Variants in MAP7D2 observed in about 807,000 individuals in gnomAD.
MAP7D2 encodes MAP7 domain containing 2.
In MAP7D2, 33 loss-of-function variants were observed where a neutral mutation model predicts 63.5. The observed-to-expected ratio is 0.52, with a 90% confidence interval of 0.39 to 0.70. The LOEUF is 0.70. Ranked by LOEUF, MAP7D2 falls within the 30% of genes least tolerant of loss-of-function variation. The probability of loss-of-function intolerance (pLI) is 0.00; values close to 1 mark genes in which losing one functional copy is unlikely to be tolerated. For synonymous variants in MAP7D2, 224 were observed against 223.7 expected, an observed-to-expected ratio of 1.00 and a Z score of -0.01; for missense variants, 626 against 604.0, an observed-to-expected ratio of 1.04 and a Z score of -0.38.
chrX:20,053,110 T>A, intron 4 of MAP7D2, 122 bp from the exon 5 acceptor site: 1 of 486,645 alleles, frequency 2.1e-6, no homozygotes. Context: ...TGGCACAGCA[T>A]GCTCTGCTTT....
chrX:20,012,391 C>T lies in MAP7D2; in HGVS notation c.2030G>A (p.Ser677Asn), dbSNP rs750049102. 3 of 1,208,197 alleles carry T rather than the reference C, an allele frequency of 2.5e-6. No individual in the cohort carries two copies. The East Asian group carries it at 8.9e-5, about 36-fold the overall frequency. The change falls in exon 15 of 17, where the codon AGC becomes AAC. Residue 677 changes from serine to asparagine, a missense_variant. By Grantham distance (46) the Ser-to-Asn change is conservative. Coordinates refer to ENST00000379643, the MANE Select transcript of MAP7D2 (RefSeq NM_001168465.2). ...AACTTCTTCAGTTGAATCATCCAGG[C>T]TATTTGATTTCCCATCAAGGGCATC... ...HLDALDGKSN[S>N]LDDSTEEVQS... is the part of the protein sequence containing the mutation.
chrX:20,091,775 T>G (rs182752041), intron 1 of MAP7D2, among the ~76,000 whole-genome samples: 1 of 111,744 alleles, frequency 8.9e-6, no homozygotes, highest in African/African-American at 3.2e-5. Context: ...GAGATACATA[T>G]ATGGCATGGA....
At chrX:20,015,387 T>C (rs978466330) in intron 11 of MAP7D2, 60 bp from the exon 12 acceptor site, 5 of 952,168 alleles carry the variant, frequency 5.3e-6, no homozygotes, top group Non-Finnish European at 6.0e-6. Context: ...AGTGTGGTAA[T>C]TCCCTGGCTT....
intron 4 of MAP7D2, 33 bp downstream of exon 4, chrX:20,056,647 G>T: frequency 1.8e-6 from 2 of 1,137,834 alleles, no homozygotes; most frequent in Non-Finnish European, 2.4e-6. Context: ...TTCCCACCCA[G>T]GACCTGAAAT....
intron 8 of MAP7D2, among the ~76,000 whole-genome samples, chrX:20,036,758 G>C (rs1183594040): frequency 9.6e-6 from 1 of 103,905 alleles, no homozygotes; most frequent in Non-Finnish European, 2.0e-5. Flanking sequence ...ACAAAAATTA[G>C]CCGGGCGTGG....
intron 1 of MAP7D2, among the ~76,000 whole-genome samples, chrX:20,102,348 G>A (rs1177899757): frequency 9.0e-6 from 1 of 111,237 alleles, no homozygotes; most frequent in African/African-American, 3.3e-5. Context: ...AGATGAACAG[G>A]GTAGACAGGA....
intron 1 of MAP7D2, among the ~76,000 whole-genome samples, chrX:20,105,824 T>C (rs925802772): frequency 5.3e-5 from 6 of 112,261 alleles, no homozygotes; most frequent in Admixed American, 2.8e-4. Flanking sequence ...TATGGTTCCA[T>C]GTTTTTTCAA....
chrX:20,013,438 C>G, intron 13 of MAP7D2, 131 bp downstream of exon 13: 1 of 598,570 alleles, frequency 1.7e-6, no homozygotes, highest in South Asian at 3.2e-5. Flanking sequence ...TTAACCTAGC[C>G]AGGAACAAAG....
chrX:20,084,329 T>C (rs1425985259), intron 1 of MAP7D2, among the ~76,000 whole-genome samples: 1 of 111,680 alleles, frequency 9.0e-6, no homozygotes, highest in Non-Finnish European at 1.9e-5. Flanking sequence ...CCTTGGTTCA[T>C]GCCACATCAA....
chrX:20,027,500 G>A (rs1043412354), intron 8 of MAP7D2, among the ~76,000 whole-genome samples: 2 of 111,553 alleles, frequency 1.8e-5, no homozygotes, highest in Non-Finnish European at 3.8e-5. Flanking sequence ...TTGTTGTGGG[G>A]TTGTCCTGGG....
chrX:20,064,889 C>T, intron 1 of MAP7D2, 84 bp from the exon 2 acceptor site: 1 of 778,168 alleles, frequency 1.3e-6, no homozygotes, highest in Non-Finnish European at 2.0e-6. Context: ...GGCATGGCAC[C>T]CGAGTCTGAC....
chrX:20,072,078 C>T (rs2065517050), intron 1 of MAP7D2, among the ~76,000 whole-genome samples: 2 of 111,791 alleles, frequency 1.8e-5, no homozygotes, highest in African/African-American at 6.5e-5. Flanking sequence ...TATTATGTCC[C>T]ATTGATGGAA....
In MAP7D2 at chrX:20,024,934, T is replaced by G; in HGVS notation, c.1412+17A>C. The stretch of plus-strand genomic sequence containing the variant: ...CAGTTACATGAGATCACACCGAAAT[T>G]CTGAGCACTAGCATACCTATCTTGT... On this transcript the variant is annotated intron_variant, in intron 10 of 16. Transcript: ENST00000379643. The G allele has an allele frequency of 8.3e-7, 1 of 1,204,980 alleles. No individual in the cohort carries two copies. Among genetic ancestry groups the G allele is most frequent in the Non-Finnish European group, 1.1e-6 (1 of 892,542 alleles).
chrX:20,084,542 C>G (rs1372711217), intron 1 of MAP7D2, among the ~76,000 whole-genome samples: 1 of 36,872 alleles, frequency 2.7e-5, no homozygotes, highest in African/African-American at 8.9e-5. Flanking sequence ...CCCTTCCTTC[C>G]TGTTCCCTCC....
rs1184723440 is a variant in MAP7D2 at position 20,012,329 on chromosome X, T to C, written c.2072+20A>G. ...GTTTCGAGAAGTGATGAGGCTTAAA[T>C]GCAAAAGAAATGAATATACCTCACA... On this transcript the variant is annotated intron_variant, in intron 15 of 16. Transcript: ENST00000379643. 8.8e-7 allele frequency: 1 copy of C among 1,137,690 alleles called. No individual in the cohort carries two copies. The highest frequency in any genetic ancestry group is 3.1e-5 in the East Asian group (1 of 32,404). The allele number at this position is 1,137,690 out of a possible 1,213,427, so 93.8% of individuals were successfully genotyped here. A position where few individuals can be genotyped will look rare whatever the true frequency, so the allele number is the denominator to read the frequency against.
At chrX:20,037,976 T>C (rs1190190446) in intron 8 of MAP7D2, among the ~76,000 whole-genome samples, 4 of 111,408 alleles carry the variant, frequency 3.6e-5, no homozygotes, top group African/African-American at 9.8e-5. Context: ...GTGGCAGGGA[T>C]AGAGGTTACA....
intron 8 of MAP7D2, among the ~76,000 whole-genome samples, chrX:20,032,303 G>C (rs2074073273): frequency 8.9e-6 from 1 of 111,890 alleles, no homozygotes; most frequent in African/African-American, 3.3e-5. Context: ...AAGCCTACTA[G>C]AGAATGATGT....
intron 1 of MAP7D2, among the ~76,000 whole-genome samples, chrX:20,116,262 C>G (rs1320005215): frequency 8.8e-6 from 1 of 113,277 alleles, no homozygotes; most frequent in Admixed American, 9.2e-5. Context: ...GGTGACACGC[C>G]GATTTTGCCC....
At chrX:20,014,093 C>A (rs1172839317) in intron 12 of MAP7D2, among the ~76,000 whole-genome samples, 1 of 112,226 alleles carries the variant, frequency 8.9e-6, no homozygotes. Flanking sequence ...TCTGCTTAAA[C>A]CCAATTTTAC....
Sources: allele counts gnomAD v4.1 joint callset (sites outside exome capture counted in the v4.1 genomes callset), GRCh38; gene constraint gnomAD v4.1.1; transcripts MANE v1.5; gene names NCBI Gene and HGNC (gene_info 2026-07-23, HGNC 2026-07-21).